The following KY variants were observed in gnomAD, a reference collection of about 807,000 sequenced individuals.
KY encodes kyphoscoliosis peptidase.
Under a neutral mutation model 76.1 loss-of-function variants are expected in KY, and 43 were observed. The observed-to-expected ratio is 0.57, with a 90% CI of 0.44 to 0.73. The LOEUF (loss-of-function observed/expected upper bound fraction) is 0.73, where lower values mean the gene tolerates loss of function less well. KY is among the 30% of genes least tolerant of loss of function. KY has a pLI of 0.00. For synonymous variants in KY, 277 were observed against 326.2 expected, an observed-to-expected ratio of 0.85 and a Z score of 1.63; for missense variants, 722 against 828.9, an observed-to-expected ratio of 0.87 and a Z score of 1.58.
intron 2 of KY, among the ~76,000 whole-genome samples, chr3:134,646,898 C>G (rs1966506928): frequency 6.6e-6 from 1 of 152,144 alleles, no homozygotes; most frequent in Non-Finnish European, 1.5e-5. Flanking sequence ...TACTTGGCCC[C>G]TTAGTGTTAC....
intron 6 of KY, among the ~76,000 whole-genome samples, chr3:134,623,266 C>T (rs1962937102): frequency 6.6e-6 from 1 of 152,176 alleles, no homozygotes; most frequent in African/African-American, 2.4e-5. Flanking sequence ...GTATGGCCAG[C>T]AGCCTGACCC....
rs746179837 is a variant in KY, at chr3:134,643,332, A to T, written c.246T>A (p.Thr82=). The change falls in exon 3 of 11, where the codon ACT becomes ACA. Residue 82 remains threonine (T), a synonymous_variant. Coordinates refer to ENST00000423778, the MANE Select transcript of KY (RefSeq NM_178554.6). ...KQHPQQPQVI[T]SYNSQGTQLT... ...ATCACTTACCTTGGCTGTTGTAGGAAGTGATGACCTGGGGCTGCTGAGGGT... is the reference window on the plus strand; with the variant it reads ...ATCACTTACCTTGGCTGTTGTAGGATGTGATGACCTGGGGCTGCTGAGGGT... The T allele has an allele frequency of 4.3e-6, 7 of 1,613,950 alleles. 1 individual carries two copies. The South Asian group carries it at 7.7e-5, about 18-fold the overall frequency.
intron 1 of KY, 36 bp downstream of exon 1, chr3:134,650,789 C>G: frequency 1.3e-6 from 2 of 1,534,162 alleles, no homozygotes; most frequent in East Asian, 2.4e-5. Context: ...GCCAAGGTGC[C>G]GGGGGACCCG....
At chr3:134,609,414 G>A (rs558507702) in intron 9 of KY, among the ~76,000 whole-genome samples, 1 of 152,246 alleles carries the variant, frequency 6.6e-6, no homozygotes, top group African/African-American at 2.4e-5. Flanking sequence ...GGTAAAGAGG[G>A]TATCTGTGAG....
rs1339347995 is a variant in KY at position 134,601,835 on chromosome 3, G to A, written c.*1744C>T. 6.6e-6 allele frequency among the ~76,000 whole-genome samples: 1 copy of A among 152,244 alleles called. No homozygotes were observed. Among genetic ancestry groups the A allele is most frequent in the Non-Finnish European group, 1.5e-5 (1 of 68,036 alleles). ...GACTTTTAGGGGAGGGATCCCGGGG[G>A]ATAATGAACAGAAGTGTCTGGAGCC... On this transcript the variant is annotated 3_prime_UTR_variant, in exon 11 of 11. Transcript: ENST00000423778.
intron 8 of KY, among the ~76,000 whole-genome samples, chr3:134,618,170 C>G (rs1961914887): frequency 6.6e-6 from 1 of 152,094 alleles, no homozygotes. Flanking sequence ...GGTGCCTGTG[C>G]TTGGCAGTGG....
intron 10 of KY, among the ~76,000 whole-genome samples, chr3:134,606,441 C>T (rs1279993061): frequency 2.0e-5 from 3 of 152,150 alleles, no homozygotes; most frequent in Non-Finnish European, 2.9e-5. Context: ...TCCCTCCCCA[C>T]CACTTCCCCC....
intron 10 of KY, chr3:134,608,153 G>C: frequency 3.5e-6 from 4 of 1,148,224 alleles, no homozygotes; most frequent in Non-Finnish European, 4.3e-6. Flanking sequence ...TTCCAGCTCT[G>C]CTGAGGCCAT....
chr3:134,628,123 C>A lies in KY; in HGVS notation c.338-305G>T, dbSNP rs560017081. On this transcript the variant is annotated intron_variant, in intron 4 of 10. Transcript: ENST00000423778. ...GGTGATTCATTGGGTCCTCCTGGAA[C>A]CTGGTGTTCCTGCCCTCTTTTGGAG... is the stretch of plus-strand genomic sequence containing the variant. The A allele has an allele frequency of 3.6e-4, 140 of 383,912 alleles. 1 individual carries two copies. The South Asian group carries it at 5.3e-3, about 14-fold the overall frequency. The allele number at this position is 383,912 out of a possible 1,614,324, so 23.8% of individuals were successfully genotyped here.
intron 10 of KY, among the ~76,000 whole-genome samples, chr3:134,605,004 G>C (rs190776690): frequency 2.0e-5 from 3 of 152,224 alleles, no homozygotes; most frequent in Non-Finnish European, 4.4e-5. Context: ...GCAGTTCCCT[G>C]ATCCCCACCT....
intron 3 of KY, among the ~76,000 whole-genome samples, chr3:134,630,223 G>T (rs1434240184): frequency 6.6e-6 from 1 of 152,180 alleles, no homozygotes; most frequent in Non-Finnish European, 1.5e-5. Flanking sequence ...ATCTTTTGTT[G>T]TTGTTTTTCC....
intron 10 of KY, chr3:134,608,245 G>A (rs1381928215): frequency 2.5e-6 from 3 of 1,193,356 alleles, no homozygotes; most frequent in Non-Finnish European, 3.2e-6. Context: ...GAGGCTATGT[G>A]TAGCCAGGGT....
Position 134,603,878 on chromosome 3 carries a change from C to T in KY, c.1687G>A (p.Val563Met), listed in dbSNP as rs1163824630. 8 of 1,614,030 alleles carry T rather than the reference C, an allele frequency of 5.0e-6. No individual in the cohort carries two copies. Among genetic ancestry groups the T allele is most frequent in the Non-Finnish European group, 5.9e-6 (7 of 1,179,894 alleles). ...CTCTCAGGGAACATGGGCCAGTTCACCTTGGTGTTGGCACAGCATACAAGG... is the reference window on the plus strand; with the variant it reads ...CTCTCAGGGAACATGGGCCAGTTCATCTTGGTGTTGGCACAGCATACAAGG... Reference protein sequence around the residue: ...NYLVCCANTKVNWPMFPESFG... With the variant: ...NYLVCCANTKMNWPMFPESFG... Residue 563 changes from valine (V) to methionine (M), a missense_variant, in exon 11 of 11, where the codon GTG (valine) becomes ATG (methionine). This residue lies in a region of KY where 552 missense variants were observed against 680.9 expected (regional missense o/e 0.81). Coordinates refer to ENST00000423778, the MANE Select transcript of KY (RefSeq NM_178554.6).
intron 8 of KY, among the ~76,000 whole-genome samples, chr3:134,611,797 C>G (rs775932288): frequency 3.3e-5 from 5 of 152,238 alleles, no homozygotes; most frequent in African/African-American, 1.2e-4. Context: ...GCCTCAGTTG[C>G]TCTAAACAAG....
intron 8 of KY, among the ~76,000 whole-genome samples, chr3:134,616,098 C>T (rs1258722993): frequency 6.6e-6 from 1 of 152,212 alleles, no homozygotes; most frequent in Non-Finnish European, 1.5e-5. Flanking sequence ...AGCTTGGCTC[C>T]TGCGAGGAAA....
intron 3 of KY, among the ~76,000 whole-genome samples, chr3:134,635,484 G>A (rs1310647611): frequency 8.1e-5 from 8 of 98,868 alleles, no homozygotes; most frequent in Admixed American, 7.6e-4. Flanking sequence ...ACAACAGAGC[G>A]AGACTCTGTA....
chr3:134,611,618 C>T (rs148138495), intron 8 of KY, among the ~76,000 whole-genome samples: 37 of 152,374 alleles, frequency 2.4e-4, no homozygotes, highest in Non-Finnish European at 3.8e-4. Flanking sequence ...GTGCTTGATG[C>T]CCCTTTGATG....
intron 8 of KY, chr3:134,615,150 T>C (rs1405181069): frequency 6.6e-6 from 1 of 152,230 alleles, no homozygotes; most frequent in Non-Finnish European, 1.5e-5. Context: ...GCTACGTCAA[T>C]AACTAGTAAT....
intron 4 of KY, among the ~76,000 whole-genome samples, chr3:134,628,917 G>T (rs1288487601): frequency 2.0e-5 from 3 of 152,228 alleles, no homozygotes; most frequent in African/African-American, 7.2e-5. Flanking sequence ...GGACCAGACA[G>T]TTTTGGAGGA....
Sources: gnomAD v4.1 joint callset for allele counts (sites outside exome capture counted in the v4.1 genomes callset) on GRCh38, gnomAD v4.1.1 for gene constraint, gnomAD v4.1.1 regional missense constraint, MANE v1.5 for transcripts, NCBI Gene and HGNC (gene_info 2026-07-23, HGNC 2026-07-21) for gene names.